Variants in NFATC2 observed in about 807,000 individuals in gnomAD.
NFATC2 encodes the protein nuclear factor of activated T-cells, cytoplasmic 2.
A neutral mutation model predicts 87.3 loss-of-function variants in NFATC2; 22 were observed. The observed-to-expected ratio is 0.25, with a 90% CI of 0.18 to 0.36. The LOEUF (loss-of-function observed/expected upper bound fraction) is 0.36, where lower values mean the gene tolerates loss of function less well. Ranked by LOEUF, NFATC2 falls within the 10% of genes least tolerant of loss-of-function variation. The probability of loss-of-function intolerance (pLI) is 1.00; values close to 1 mark genes in which losing one functional copy is unlikely to be tolerated. For synonymous variants in NFATC2, 565 were observed against 542.2 expected, an observed-to-expected ratio of 1.04 and a Z score of -0.58; for missense variants, 1,149 against 1,259.1, an observed-to-expected ratio of 0.91 and a Z score of 1.32.
intron 3 of NFATC2, among the ~76,000 whole-genome samples, chr20:51,494,283 T>G (rs1317357764): frequency 6.6e-6 from 1 of 152,042 alleles, no homozygotes; most frequent in African/African-American, 2.4e-5. Context: ...GCCTAAGGTG[T>G]CCGGCACAGG....
At chr20:51,435,934 C>T (rs578252990) in intron 6 of NFATC2, among the ~76,000 whole-genome samples, 173 bp from the exon 7 acceptor site, 107 of 152,102 alleles carry the variant, frequency 7.0e-4, no homozygotes, top group Non-Finnish European at 1.4e-3. Flanking sequence ...TAAATATTTC[C>T]TTTTTCCAAA....
chr20:51,451,130 G>A (rs1420230963), intron 6 of NFATC2, among the ~76,000 whole-genome samples: 1 of 152,166 alleles, frequency 6.6e-6, no homozygotes, highest in African/African-American at 2.4e-5. Context: ...TGTGTGGCTG[G>A]ATCAGCCCCT....
intron 3 of NFATC2, among the ~76,000 whole-genome samples, chr20:51,515,973 T>C (rs2076344972): frequency 6.6e-6 from 1 of 152,032 alleles, no homozygotes; most frequent in South Asian, 2.1e-4. Context: ...TTAAGGCAAA[T>C]ACCAAAAAAA....
intron 9 of NFATC2, among the ~76,000 whole-genome samples, chr20:51,405,194 A>T (rs540165145): frequency 5.3e-5 from 8 of 152,056 alleles, no homozygotes; most frequent in Non-Finnish European, 7.4e-5. Flanking sequence ...ATGCCCCCCA[A>T]ATTAGCTTCC....
rs1988607719 is a variant in NFATC2 at position 51,475,236 on chromosome 20, T to TA, written c.1535+221dup. The stretch of plus-strand genomic sequence containing the variant: ...CACCCGCCTCAGCCTTCCAAAGCGC[T>TA]AGGATTACAGGCGCGAGCCACCACG... On this transcript the variant is annotated intron_variant, in intron 4 of 10. Coordinates refer to ENST00000371564, the MANE Select transcript of NFATC2 (RefSeq NM_012340.5). 3.9e-5 allele frequency among the ~76,000 whole-genome samples: 6 copies of TA among 152,294 alleles called. No individual in the cohort carries two copies. The South Asian group carries it at 1.0e-3, about 26-fold the overall frequency.
At chr20:51,503,791 G>A (rs2076130858) in intron 3 of NFATC2, among the ~76,000 whole-genome samples, 1 of 152,218 alleles carries the variant, frequency 6.6e-6, no homozygotes, top group Non-Finnish European at 1.5e-5. Context: ...GATGACAAAA[G>A]CCTGAACAAC....
At chr20:51,533,201 A>C (rs2146766810) in intron 1 of NFATC2, among the ~76,000 whole-genome samples, 1 of 152,342 alleles carries the variant, frequency 6.6e-6, no homozygotes, top group African/African-American at 2.4e-5. Flanking sequence ...CAGGGGCCAC[A>C]AAGAATCCCA....
chr20:51,496,066 A>G (rs1302487125), intron 3 of NFATC2, among the ~76,000 whole-genome samples: 3 of 152,198 alleles, frequency 2.0e-5, no homozygotes, highest in African/African-American at 7.2e-5. Context: ...CAGGGTCACC[A>G]ACAAGATGCC....
At chr20:51,443,735 T>C (rs1984676457) in intron 6 of NFATC2, among the ~76,000 whole-genome samples, 1 of 152,064 alleles carries the variant, frequency 6.6e-6, no homozygotes, top group South Asian at 2.1e-4. Flanking sequence ...TGGGCTGAGA[T>C]GAAATAAAGG....
chr20:51,539,119 C>A (rs2076765938), intron 1 of NFATC2, among the ~76,000 whole-genome samples: 1 of 152,144 alleles, frequency 6.6e-6, no homozygotes, highest in Non-Finnish European at 1.5e-5. Context: ...ATCACATGGG[C>A]TAATGAACGT....
chr20:51,506,903 G>A (rs749735652), intron 3 of NFATC2, among the ~76,000 whole-genome samples: 4 of 152,312 alleles, frequency 2.6e-5, no homozygotes, highest in South Asian at 2.1e-4. Flanking sequence ...TGGCGAGGGC[G>A]GAGGCAAGGG....
chr20:51,535,282 A>G (rs767159974), intron 1 of NFATC2, among the ~76,000 whole-genome samples: 2 of 152,176 alleles, frequency 1.3e-5, no homozygotes, highest in Non-Finnish European at 2.9e-5. Flanking sequence ...CCTCTGCCCA[A>G]CTTAGCAAAC....
intron 9 of NFATC2, among the ~76,000 whole-genome samples, chr20:51,406,068 C>T (rs1988534788): frequency 6.6e-6 from 1 of 152,200 alleles, no homozygotes. Context: ...TGAGCCACCA[C>T]ACCCAGCCTA....
chr20:51,395,830 C>T (rs1254900481), intron 10 of NFATC2, among the ~76,000 whole-genome samples: 2 of 151,446 alleles, frequency 1.3e-5, no homozygotes, highest in Non-Finnish European at 2.9e-5. Context: ...TGATGATATA[C>T]CAGGGGTCAA....
chr20:51,459,008 T>C (rs1257451965), intron 5 of NFATC2, among the ~76,000 whole-genome samples: 1 of 152,104 alleles, frequency 6.6e-6, no homozygotes, highest in Non-Finnish European at 1.5e-5. Context: ...CCTGGGCAAG[T>C]CACTTCACCT....
rs565767338 is a variant in NFATC2 at position 51,403,908 on chromosome 20, C to T, written c.2723-5178G>A. On this transcript the variant is annotated intron_variant, in intron 9 of 10. Coordinates refer to ENST00000371564, the MANE Select transcript of NFATC2 (RefSeq NM_012340.5). Reference sequence around the variant, plus strand: ...GCTGACTGACACAGTCCCCAAAGTACATTCCTCTCCAAAGTCTCGGTCTAT... The same window carrying T: ...GCTGACTGACACAGTCCCCAAAGTATATTCCTCTCCAAAGTCTCGGTCTAT... 7.9e-5 allele frequency among the ~76,000 whole-genome samples: 12 copies of T among 152,306 alleles called. No individual in the cohort carries two copies. The East Asian group carries it at 1.9e-3, about 25-fold the overall frequency.
chr20:51,418,751 C>G (rs748962742), intron 9 of NFATC2, among the ~76,000 whole-genome samples: 1 of 151,452 alleles, frequency 6.6e-6, no homozygotes, highest in Admixed American at 6.6e-5. Flanking sequence ...CAACCTCTGC[C>G]TCCCAGGTTC....
intron 3 of NFATC2, among the ~76,000 whole-genome samples, chr20:51,502,400 A>C (rs1189772256): frequency 3.3e-5 from 5 of 152,130 alleles, no homozygotes; most frequent in African/African-American, 1.2e-4. Context: ...ATCACAGCTC[A>C]CTGCAGCCTC....
rs750332242 is a variant in NFATC2, at chr20:51,474,163, G to A, written c.1536-11C>T. On this transcript the variant is annotated splice_polypyrimidine_tract_variant and intron_variant, in intron 4 of 10. Coordinates refer to ENST00000371564, the MANE Select transcript of NFATC2 (RefSeq NM_012340.5). ...CCCGCACAGTCGATGCTGCCAGGAT[G>A]TTAAGAACCCCATTGTCACCAACTA... 1 of 1,613,262 alleles carries A rather than the reference G, an allele frequency of 6.2e-7. No individual in the cohort carries two copies. Among genetic ancestry groups the A allele is most frequent in the South Asian group, 1.1e-5 (1 of 91,004 alleles).
Sources: allele counts gnomAD v4.1 joint callset (sites outside exome capture counted in the v4.1 genomes callset), GRCh38; gene constraint gnomAD v4.1.1; transcripts MANE v1.5; gene names NCBI Gene and HGNC (gene_info 2026-07-23, HGNC 2026-07-21).